COL23A1: variants seen among roughly 807,000 people sequenced by gnomAD.
The protein encoded by COL23A1 is collagen alpha-1(XXIII) chain.
Under a neutral mutation model 99.3 loss-of-function variants are expected in COL23A1, and 97 were observed. That is an observed-to-expected ratio of 0.98 (90% CI 0.83 to 1.16). The LOEUF (loss-of-function observed/expected upper bound fraction) is 1.16. COL23A1 is among the 50% of genes most tolerant of loss of function. COL23A1 has a pLI of 0.00. For missense variants in COL23A1, 762 were observed against 757.4 expected (o/e 1.01, Z -0.07); for synonymous variants, 320 against 308.2 (o/e 1.04, Z -0.40).
At chr5:178,359,185 T>C (rs940744590) in intron 2 of COL23A1, among the ~76,000 whole-genome samples, 2 of 152,162 alleles carry the variant, frequency 1.3e-5, no homozygotes, top group Non-Finnish European at 2.9e-5. Context: ...TCAGCCTCGG[T>C]TTCCACCAAC....
chr5:178,518,825 G>T (rs1273542458), intron 2 of COL23A1, among the ~76,000 whole-genome samples: 6 of 147,980 alleles, frequency 4.1e-5, no homozygotes, highest in Admixed American at 2.7e-4. Context: ...CGCGGGGCCC[G>T]TCCGCTCCTC....
At chr5:178,400,316 G>A (rs1764372307) in intron 2 of COL23A1, among the ~76,000 whole-genome samples, 2 of 136,830 alleles carry the variant, frequency 1.5e-5, no homozygotes, top group Non-Finnish European at 3.0e-5. Flanking sequence ...GCAGTGAGCC[G>A]AGATCGCGCC....
At chr5:178,341,803 G>T (rs573222705) in intron 2 of COL23A1, among the ~76,000 whole-genome samples, 1 of 152,222 alleles carries the variant, frequency 6.6e-6, no homozygotes, top group African/African-American at 2.4e-5. Context: ...CACCCCGCCC[G>T]CCTCAGGACC....
chr5:178,325,583 G>T (rs1759604871), intron 2 of COL23A1, among the ~76,000 whole-genome samples: 1 of 152,102 alleles, frequency 6.6e-6, no homozygotes, highest in Non-Finnish European at 1.5e-5. Context: ...TTACTCTTGG[G>T]CCAGGGAATC....
intron 27 of COL23A1, among the ~76,000 whole-genome samples, chr5:178,241,332 G>A (rs1027117627): frequency 2.0e-5 from 3 of 152,146 alleles, no homozygotes; most frequent in African/African-American, 7.2e-5. Flanking sequence ...CACAGAAAGA[G>A]GTACAGGAAG....
At chr5:178,579,958 C>G (rs2113713604) in intron 1 of COL23A1, among the ~76,000 whole-genome samples, 1 of 152,318 alleles carries the variant, frequency 6.6e-6, no homozygotes, top group Non-Finnish European at 1.5e-5. Flanking sequence ...GGGCCAATCG[C>G]TGCCCCTCTC....
At chr5:178,585,247 T>A (rs1763869939) in intron 1 of COL23A1, among the ~76,000 whole-genome samples, 1 of 152,142 alleles carries the variant, frequency 6.6e-6, no homozygotes. Flanking sequence ...CCCACCCTCC[T>A]CTGGGGTGAC....
At chr5:178,355,801 T>G (rs915566543) in intron 2 of COL23A1, among the ~76,000 whole-genome samples, 1 of 152,070 alleles carries the variant, frequency 6.6e-6, no homozygotes, top group Non-Finnish European at 1.5e-5. Flanking sequence ...TTTTTTTTGA[T>G]CTGTGTTTAG....
chr5:178,585,174 C>T (rs989668550), intron 1 of COL23A1, among the ~76,000 whole-genome samples: 12 of 152,096 alleles, frequency 7.9e-5, no homozygotes, highest in African/African-American at 2.2e-4. Context: ...AACACCAAAG[C>T]AGAAGGAAGG....
intron 2 of COL23A1, among the ~76,000 whole-genome samples, chr5:178,373,244 T>C (rs1762895959): frequency 6.6e-6 from 1 of 152,112 alleles, no homozygotes; most frequent in Non-Finnish European, 1.5e-5. Flanking sequence ...GCCTTGGTTT[T>C]CTCAGCTATA....
In COL23A1 at chr5:178,290,481, C is replaced by T. The variant is rs1306004996; in HGVS notation, c.407-112G>A. On this transcript the variant is annotated intron_variant, in intron 3 of 28. Transcript: ENST00000390654. ...CAGCACGGCTCCTGGCCACCTCTCC[C>T]CGGAAGGCTTTGATGCTGCCATGGC... The T allele has an allele frequency of 2.1e-6, 3 of 1,397,826 alleles. No homozygotes were observed. In the African/African-American group the frequency reaches 4.5e-5, roughly 21 times the overall value. The allele number at this position is 1,397,826 out of a possible 1,614,324, so 86.6% of individuals were successfully genotyped here.
intron 5 of COL23A1, among the ~76,000 whole-genome samples, chr5:178,279,102 C>G (rs1756750251): frequency 6.6e-6 from 1 of 152,226 alleles, no homozygotes; most frequent in Non-Finnish European, 1.5e-5. Flanking sequence ...TGTGCCCTGC[C>G]TGCTGACTGC....
intron 1 of COL23A1, among the ~76,000 whole-genome samples, chr5:178,585,734 A>AGCCCTGGATGGCGCTGGGGTAAC (rs1763952089): frequency 1.8e-5 from 2 of 113,408 alleles, no homozygotes; most frequent in Admixed American, 8.5e-5. Flanking sequence ...AACACTCCAC[A>AGCCCTGGATGGCGCTGGGGTAAC]GCCCTGGCTG....
chr5:178,354,024 A>T (rs1453677808), intron 2 of COL23A1, among the ~76,000 whole-genome samples: 1 of 152,022 alleles, frequency 6.6e-6, no homozygotes, highest in African/African-American at 2.4e-5. Context: ...GCATGAGCCT[A>T]AAACACCCTG....
chr5:178,553,085 A>ATC (rs1486079550), intron 2 of COL23A1, among the ~76,000 whole-genome samples: 1 of 150,816 alleles, frequency 6.6e-6, no homozygotes, highest in Non-Finnish European at 1.5e-5. Flanking sequence ...CAGGAGGATC[A>ATC]CTTGAGCTCA....
chr5:178,306,628 G>A lies in COL23A1; in HGVS notation c.406+247C>T, dbSNP rs374740000. ...TGGGGGACTAGGGGCCAACAACGAGGTTCGGGGGATGACTGGGGGCAGAGG... is the reference window on the plus strand; with the variant it reads ...TGGGGGACTAGGGGCCAACAACGAGATTCGGGGGATGACTGGGGGCAGAGG... On this transcript the variant is annotated intron_variant, in intron 3 of 28. Coordinates refer to ENST00000390654, the MANE Select transcript of COL23A1 (RefSeq NM_173465.4). The surrounding 1 kb of genome is among the most constrained non-coding windows in gnomAD (Gnocchi z 4.1). 5.5e-4 allele frequency among the ~76,000 whole-genome samples: 82 copies of A among 149,436 alleles called. No individual in the cohort carries two copies. The South Asian group carries it at 0.017, about 32-fold the overall frequency.
At chr5:178,242,155 T>C (rs904821019) in intron 26 of COL23A1, 27 bp from the exon 27 acceptor site, 17 of 1,538,400 alleles carry the variant, frequency 1.1e-5, no homozygotes, top group Admixed American at 2.0e-5. Flanking sequence ...ATGGTGGTAT[T>C]GGTCATGGCT....
At chr5:178,268,136 T>C (rs2913842) in intron 7 of COL23A1, among the ~76,000 whole-genome samples, 143,165 of 152,290 alleles carry the variant, frequency 0.94, 67,492 homozygotes, top group Non-Finnish European at 0.98. Context: ...TTCCAAATTC[T>C]GGGTCGGGGG....
At chr5:178,545,424 C>T (rs1259881358) in intron 2 of COL23A1, among the ~76,000 whole-genome samples, 2 of 152,176 alleles carry the variant, frequency 1.3e-5, no homozygotes, top group Non-Finnish European at 2.9e-5. Flanking sequence ...GCAGCTCTCC[C>T]AGCATTCAGT....
Sources: gnomAD v4.1 joint callset for allele counts (sites outside exome capture counted in the v4.1 genomes callset) on GRCh38, gnomAD v4.1.1 for gene constraint, Gnocchi (gnomAD v3.1) non-coding constraint, MANE v1.5 for transcripts, NCBI Gene and HGNC (gene_info 2026-07-23, HGNC 2026-07-21) for gene names.